TEK: variants seen among roughly 807,000 people sequenced by gnomAD.
TEK encodes the protein TEK receptor tyrosine kinase, also known as angiopoietin-1 receptor.
In TEK, 43 loss-of-function variants were observed where a neutral mutation model predicts 131.8. That is an observed-to-expected ratio of 0.33 (90% CI 0.26 to 0.42). The LOEUF is 0.42. Ranked by LOEUF, TEK falls within the 10% of genes least tolerant of loss-of-function variation. The probability of loss-of-function intolerance (pLI) is 1.00; values close to 1 mark genes in which losing one functional copy is unlikely to be tolerated. For missense variants in TEK, 1,162 were observed against 1,384.4 expected, an observed-to-expected ratio of 0.84 and a Z score of 2.55; for synonymous variants, 580 against 491.6, an observed-to-expected ratio of 1.18 and a Z score of -2.38.
intron 2 of TEK, among the ~76,000 whole-genome samples, chr9:27,165,547 C>T (rs674459): frequency 0.023 from 3,485 of 152,244 alleles, 131 homozygotes; most frequent in African/African-American, 0.078. Context: ...GTCAGCACAG[C>T]AGTGTTGCTG....
chr9:27,194,279 C>G (rs573189678), intron 11 of TEK, among the ~76,000 whole-genome samples: 1 of 152,306 alleles, frequency 6.6e-6, no homozygotes, highest in African/African-American at 2.4e-5. Context: ...TTTTCTTCTG[C>G]AGAGATTGTG....
At chr9:27,220,213 A>C (rs1587044933) in intron 21 of TEK, 68 bp downstream of exon 21, 3 of 1,513,144 alleles carry the variant, frequency 2.0e-6, no homozygotes, top group Non-Finnish European at 2.7e-6. Flanking sequence ...GGGCCAGCTG[A>C]CTCTAGCAAA....
In TEK at chr9:27,197,392, C is replaced by A; in HGVS notation, c.1702C>A (p.Pro568Thr). The A allele has an allele frequency of 6.2e-7, 1 of 1,614,150 alleles. No homozygotes were observed. The highest frequency in any genetic ancestry group is 1.1e-5 in the South Asian group (1 of 91,084). ...TLNLTWQPIF[P>T]SSEDDFYVEV... Reference sequence around the variant, plus strand: ...AAATTTGACCTGGCAACCAATATTTCCAAGCTCGGAAGATGACTTTTATGT... The same window carrying A: ...AAATTTGACCTGGCAACCAATATTTACAAGCTCGGAAGATGACTTTTATGT... Residue 568 changes from proline (P) to threonine (T), a missense_variant, in exon 12 of 23, where the codon CCA (proline) becomes ACA (threonine). This residue lies in a region of TEK where 477 missense variants were observed against 471.0 expected (regional missense o/e 1.01). Coordinates refer to ENST00000380036, the MANE Select transcript of TEK (RefSeq NM_000459.5).
intron 1 of TEK, among the ~76,000 whole-genome samples, chr9:27,126,408 T>C (rs1821991787): frequency 6.6e-6 from 1 of 152,176 alleles, no homozygotes; most frequent in South Asian, 2.1e-4. Context: ...CACTTGTTTA[T>C]AGTATGAGGG....
At chr9:27,210,664 T>C (rs1825578391) in intron 16 of TEK, 1 of 152,330 alleles carries the variant, frequency 6.6e-6, no homozygotes, top group African/African-American at 2.4e-5. Flanking sequence ...CAATAAAATC[T>C]TGAGGTTACG....
intron 1 of TEK, among the ~76,000 whole-genome samples, chr9:27,110,181 T>TTTC (rs1564029358): frequency 6.6e-6 from 1 of 151,782 alleles, no homozygotes; most frequent in Admixed American, 6.6e-5. Flanking sequence ...GCTTTTTTTT[T>TTTC]TTTCTTGTAG....
At chr9:27,117,887 G>T (rs546352903) in intron 1 of TEK, among the ~76,000 whole-genome samples, 1 of 152,132 alleles carries the variant, frequency 6.6e-6, no homozygotes, top group Non-Finnish European at 1.5e-5. Flanking sequence ...ATGCTTCCTG[G>T]GGGGAGCACT....
At chr9:27,166,453 G>T (rs1182789376) in intron 2 of TEK, among the ~76,000 whole-genome samples, 1 of 152,098 alleles carries the variant, frequency 6.6e-6, no homozygotes, top group Non-Finnish European at 1.5e-5. Context: ...TTTGTTTCAT[G>T]AGCTTTGAAA....
At chr9:27,210,321 A>C (rs1411252383) in intron 16 of TEK, 1 of 154,134 alleles carries the variant, frequency 6.5e-6, no homozygotes, top group Admixed American at 6.5e-5. Context: ...TAGCACTCCC[A>C]CAAACATGGT....
At chr9:27,118,686 A>G (rs1383260105) in intron 1 of TEK, among the ~76,000 whole-genome samples, 1 of 152,118 alleles carries the variant, frequency 6.6e-6, no homozygotes, top group African/African-American at 2.4e-5. Flanking sequence ...GATGCCTAAC[A>G]TTTCAAACTT....
intron 1 of TEK, among the ~76,000 whole-genome samples, chr9:27,138,697 A>G (rs757785596): frequency 6.6e-6 from 1 of 152,208 alleles, no homozygotes; most frequent in Non-Finnish European, 1.5e-5. Context: ...ACTTACACCC[A>G]GCTGTTTTTC....
Position 27,212,858 on chromosome 9 carries a change from C to G in TEK, c.2838C>G (p.Ala946=). Residue 946 remains alanine, a synonymous_variant, in exon 17 of 23, where the codon GCC becomes GCG. Transcript: ENST00000380036. The part of the protein sequence containing the change: ...LSSQQLLHFA[A]DVARGMDYLS... The stretch of plus-strand genomic sequence containing the variant: ...CCCAGCAGCTCCTTCACTTCGCTGC[C>G]GACGTGGCCCGGGGCATGGACTACT... 1 of 1,614,068 alleles carries G rather than the reference C, an allele frequency of 6.2e-7. No homozygotes were observed. The highest frequency in any genetic ancestry group is 2.2e-5 in the East Asian group (1 of 44,854).
At chr9:27,220,174 T>G in intron 21 of TEK, 29 bp downstream of exon 21, 1 of 1,607,882 alleles carries the variant, frequency 6.2e-7, no homozygotes, top group Non-Finnish European at 8.5e-7. Context: ...TGGGGCTATT[T>G]TGTCTTACCT....
intron 6 of TEK, among the ~76,000 whole-genome samples, chr9:27,177,243 T>C (rs1475805874): frequency 2.0e-5 from 3 of 152,222 alleles, no homozygotes; most frequent in African/African-American, 4.8e-5. Flanking sequence ...CAGTTCTATT[T>C]TGAGTGTTTT....
At chr9:27,222,526 C>A (rs1352465294) in intron 21 of TEK, among the ~76,000 whole-genome samples, 1 of 152,184 alleles carries the variant, frequency 6.6e-6, no homozygotes, top group Non-Finnish European at 1.5e-5. Context: ...TCTGTAGAAA[C>A]CCTACGAGCC....
intron 7 of TEK, among the ~76,000 whole-genome samples, chr9:27,182,616 C>T (rs1244931512): frequency 2.0e-5 from 3 of 152,128 alleles, no homozygotes; most frequent in Admixed American, 1.3e-4. Flanking sequence ...TCTGAGGGCA[C>T]CTCTATCGCC....
intron 2 of TEK, among the ~76,000 whole-genome samples, chr9:27,166,399 C>A (rs1823731922): frequency 6.6e-6 from 1 of 152,178 alleles, no homozygotes. Flanking sequence ...CTGAAAGTTT[C>A]CACCGTGTTC....
chr9:27,126,134 C>A (rs542754481), intron 1 of TEK, among the ~76,000 whole-genome samples: 73 of 152,288 alleles, frequency 4.8e-4, no homozygotes, highest in African/African-American at 1.3e-3. Context: ...CATAACCCTG[C>A]TTTATTTGTG....
intron 20 of TEK, among the ~76,000 whole-genome samples, chr9:27,219,599 G>GTATC (rs1825969547): frequency 9.1e-6 from 1 of 109,450 alleles, no homozygotes. Context: ...CATGGCACAT[G>GTATC]TATCTCAGAA....
Sources: allele counts gnomAD v4.1 joint callset (sites outside exome capture counted in the v4.1 genomes callset), GRCh38; gene constraint gnomAD v4.1.1; regional missense constraint gnomAD v4.1.1; transcripts MANE v1.5; gene names NCBI Gene and HGNC (gene_info 2026-07-23, HGNC 2026-07-21).